The following LOXL2 variants were observed in gnomAD, a reference collection of about 807,000 sequenced individuals.
LOXL2 encodes the protein lysyl oxidase homolog 2.
LOXL2 carries 70 observed loss-of-function variants against 93.0 expected under a neutral mutation model. The ratio of observed to expected loss-of-function variants is 0.75; its 90% CI spans 0.62 to 0.92. The LOEUF (loss-of-function observed/expected upper bound fraction) is 0.92, where lower values mean the gene tolerates loss of function less well. LOXL2 is among the 40% of genes least tolerant of loss of function. The pLI, the probability that LOXL2 is intolerant of heterozygous loss-of-function variation, is 0.00. For synonymous variants in LOXL2, 438 were observed against 413.2 expected (o/e 1.06, Z -0.73); for missense variants, 973 against 1,054.9 (o/e 0.92, Z 1.08).
intron 3 of LOXL2, chr8:23,341,681 T>C: frequency 5.1e-6 from 1 of 197,196 alleles, no homozygotes; most frequent in Non-Finnish European, 1.1e-5. Flanking sequence ...GAGTTTCAGA[T>C]AGAGGACCCC....
chr8:23,315,878 A>G (rs1009507942), intron 9 of LOXL2, among the ~76,000 whole-genome samples: 2 of 152,164 alleles, frequency 1.3e-5, no homozygotes, highest in African/African-American at 4.8e-5. Flanking sequence ...TCTGGAAAAG[A>G]TGGGATATTG....
At chr8:23,304,252 G>A (rs148804392) in intron 10 of LOXL2, among the ~76,000 whole-genome samples, 5 of 152,304 alleles carry the variant, frequency 3.3e-5, no homozygotes, top group African/African-American at 1.2e-4. Context: ...CTCTTCCCTC[G>A]GGAGGAATTG....
chr8:23,305,243 C>A (rs1303506408), intron 10 of LOXL2, among the ~76,000 whole-genome samples: 1 of 152,216 alleles, frequency 6.6e-6, no homozygotes, highest in African/African-American at 2.4e-5. Context: ...GTTGTCTAAA[C>A]AGAATTCAGA....
intron 12 of LOXL2, among the ~76,000 whole-genome samples, chr8:23,299,687 G>A (rs916758685): frequency 2.2e-4 from 33 of 152,204 alleles, no homozygotes; most frequent in Non-Finnish European, 4.0e-4. Context: ...GAACAGAGGG[G>A]CAGAGGACAC....
chr8:23,299,989 A>G (rs1357816519), intron 12 of LOXL2, among the ~76,000 whole-genome samples: 1 of 152,218 alleles, frequency 6.6e-6, no homozygotes, highest in East Asian at 1.9e-4. Flanking sequence ...AAGGAGGTAC[A>G]TGCCCTGCTC....
intron 2 of LOXL2, among the ~76,000 whole-genome samples, chr8:23,362,553 C>T (rs1317682448): frequency 6.6e-6 from 1 of 152,048 alleles, no homozygotes; most frequent in Non-Finnish European, 1.5e-5. Context: ...GGCAATATAG[C>T]GAGGCCTCAT....
chr8:23,314,788 T>TATA (rs1290498028), intron 9 of LOXL2, among the ~76,000 whole-genome samples: 3 of 147,284 alleles, frequency 2.0e-5, no homozygotes, highest in East Asian at 4.0e-4. Context: ...AAACTTAAAG[T>TATA]ATAATAATAA....
At chr8:23,320,321 G>A (rs565182506) in intron 7 of LOXL2, among the ~76,000 whole-genome samples, 3 of 152,174 alleles carry the variant, frequency 2.0e-5, no homozygotes, top group Non-Finnish European at 2.9e-5. Flanking sequence ...TGCTCCCCAT[G>A]AGCCTATCAG....
intron 6 of LOXL2, among the ~76,000 whole-genome samples, chr8:23,326,814 A>G (rs192803618): frequency 3.3e-5 from 5 of 152,262 alleles, no homozygotes; most frequent in Admixed American, 2.0e-4. Flanking sequence ...ATATGGCCCA[A>G]TGGAAGCTGC....
chr8:23,353,804 G>A (rs1204820826), intron 3 of LOXL2, among the ~76,000 whole-genome samples: 4 of 152,206 alleles, frequency 2.6e-5, no homozygotes, highest in Non-Finnish European at 5.9e-5. Context: ...ATGTCATTCT[G>A]ATGAAGAAAC....
chr8:23,389,492 C>T (rs1022259982), intron 1 of LOXL2, among the ~76,000 whole-genome samples: 13 of 152,192 alleles, frequency 8.5e-5, no homozygotes, highest in African/African-American at 2.9e-4. Flanking sequence ...AACATGACCT[C>T]TGATCAATGA....
At chr8:23,307,107 A>G (rs1466797631) in intron 10 of LOXL2, among the ~76,000 whole-genome samples, 3 of 152,174 alleles carry the variant, frequency 2.0e-5, no homozygotes, top group African/African-American at 7.2e-5. Context: ...CTGGCTCCAG[A>G]TGGCCTTCAG....
intron 2 of LOXL2, chr8:23,363,641 T>C (rs1460200785): frequency 9.9e-5 from 15 of 152,208 alleles, no homozygotes; most frequent in Admixed American, 9.8e-4. Flanking sequence ...GACCTGGAAG[T>C]CGACCAGTGC....
At chr8:23,336,015 G>A (rs961160331) in intron 4 of LOXL2, among the ~76,000 whole-genome samples, 9 of 152,138 alleles carry the variant, frequency 5.9e-5, no homozygotes, top group African/African-American at 2.2e-4. Context: ...AATAATTCCA[G>A]GAACCACTGC....
intron 5 of LOXL2, among the ~76,000 whole-genome samples, chr8:23,332,433 C>G: frequency 7.1e-6 from 1 of 140,984 alleles, no homozygotes; most frequent in African/African-American, 2.6e-5. Flanking sequence ...CACAAACACA[C>G]CCCACACACT....
chr8:23,346,980 G>A (rs1207749220), intron 3 of LOXL2, among the ~76,000 whole-genome samples: 1 of 152,148 alleles, frequency 6.6e-6, no homozygotes, highest in African/African-American at 2.4e-5. Flanking sequence ...GCAAGTTCCT[G>A]CATCTTCCTC....
At chr8:23,378,557 C>T (rs950668153) in intron 1 of LOXL2, among the ~76,000 whole-genome samples, 1 of 152,166 alleles carries the variant, frequency 6.6e-6, no homozygotes, top group African/African-American at 2.4e-5. Context: ...TTCCATTCTC[C>T]CCGTCACTTT....
chr8:23,370,113 G>A (rs1012581431), intron 1 of LOXL2, among the ~76,000 whole-genome samples: 8 of 152,070 alleles, frequency 5.3e-5, no homozygotes, highest in African/African-American at 9.7e-5. Context: ...TGTGTGGCAC[G>A]TGCCTACCTT....
chr8:23,367,205 T>C (rs1266794916), intron 2 of LOXL2, among the ~76,000 whole-genome samples: 1 of 152,028 alleles, frequency 6.6e-6, no homozygotes, highest in Non-Finnish European at 1.5e-5. Flanking sequence ...CTCGCCACCA[T>C]GCCCGGCTAA....
Sources: allele counts gnomAD v4.1 joint callset (sites outside exome capture counted in the v4.1 genomes callset), GRCh38; gene constraint gnomAD v4.1.1; transcripts MANE v1.5; gene names NCBI Gene and HGNC (gene_info 2026-07-23, HGNC 2026-07-21).